EYS: variants seen among roughly 807,000 people sequenced by gnomAD.
EYS encodes the protein EGF-like photoreceptor maintenance factor, also known as protein eyes shut homolog.
In EYS, 250 loss-of-function variants were observed where a neutral mutation model predicts 282.1. The observed-to-expected ratio is 0.89, with a 90% CI of 0.80 to 0.98. The LOEUF is 0.98. Ranked by LOEUF, EYS falls within the 50% of genes least tolerant of loss-of-function variation. EYS has a pLI of 0.00. For synonymous variants in EYS, 1,355 were observed against 1,282.9 expected (o/e 1.06, Z -1.20); for missense variants, 4,016 against 3,709.0 (o/e 1.08, Z -2.15).
chr6:64,877,419 T>A (rs79842524), intron 19 of EYS, among the ~76,000 whole-genome samples: 2,608 of 152,274 alleles, frequency 0.017, 75 homozygotes, highest in African/African-American at 0.06. Context: ...ATTTATGGTA[T>A]TTTTTAAATG....
At chr6:64,380,155 T>C (rs1772696510) in intron 29 of EYS, among the ~76,000 whole-genome samples, 1 of 152,110 alleles carries the variant, frequency 6.6e-6, no homozygotes, top group Non-Finnish European at 1.5e-5. Flanking sequence ...CATTACATTA[T>C]AGACATCATT....
intron 11 of EYS, among the ~76,000 whole-genome samples, chr6:65,301,638 C>G (rs529826604): frequency 6.6e-6 from 1 of 152,256 alleles, no homozygotes; most frequent in Admixed American, 6.5e-5. Flanking sequence ...AGAAAGCCAC[C>G]GACCTTATTC....
At chr6:64,913,995 A>G (rs919589367) in intron 15 of EYS, among the ~76,000 whole-genome samples, 51 of 152,284 alleles carry the variant, frequency 3.3e-4, no homozygotes, top group African/African-American at 1.2e-3. Flanking sequence ...CATTATCTTC[A>G]AATACCACTT....
intron 26 of EYS, among the ~76,000 whole-genome samples, chr6:64,544,537 G>C (rs2149801083): frequency 6.6e-6 from 1 of 152,220 alleles, no homozygotes; most frequent in East Asian, 1.9e-4. Context: ...TGGAGGACAT[G>C]TAGTCACTTT....
At chr6:65,256,044 T>C (rs781542511) in intron 12 of EYS, among the ~76,000 whole-genome samples, 3 of 152,014 alleles carry the variant, frequency 2.0e-5, no homozygotes, top group Non-Finnish European at 4.4e-5. Flanking sequence ...GATATCTGCA[T>C]TCCCGTGCTG....
intron 19 of EYS, among the ~76,000 whole-genome samples, chr6:64,883,260 G>A (rs979239987): frequency 4.6e-5 from 7 of 151,252 alleles, no homozygotes; most frequent in Non-Finnish European, 8.9e-5. Context: ...ATAGTCATAC[G>A]TTTGCATGTG....
At chr6:64,199,307 A>T (rs1325173401) in intron 31 of EYS, among the ~76,000 whole-genome samples, 2 of 152,208 alleles carry the variant, frequency 1.3e-5, no homozygotes, top group Admixed American at 6.5e-5. Context: ...GATTTTGACA[A>T]ACCTGATAAG....
chr6:63,888,250 G>C (rs1488994363), intron 35 of EYS, among the ~76,000 whole-genome samples: 2 of 152,260 alleles, frequency 1.3e-5, no homozygotes, highest in Admixed American at 1.3e-4. Context: ...CAGCTCTGAA[G>C]AGAGTAGCAG....
intron 26 of EYS, among the ~76,000 whole-genome samples, chr6:64,498,751 A>C (rs998693328): frequency 6.6e-6 from 1 of 151,966 alleles, no homozygotes; most frequent in African/African-American, 2.4e-5. Context: ...TTTGCTGAGG[A>C]TGATGGTTTC....
intron 31 of EYS, among the ~76,000 whole-genome samples, chr6:64,151,347 A>ATATATATATATATATATATATATATT (rs1562226740): frequency 1.8e-5 from 2 of 113,440 alleles, no homozygotes; most frequent in African/African-American, 8.0e-5. Flanking sequence ...ATATATATAT[A>ATATATATATATATATATATATATATT]TATATATATA....
At chr6:64,473,456 C>G (rs1413627865) in intron 26 of EYS, among the ~76,000 whole-genome samples, 1 of 152,098 alleles carries the variant, frequency 6.6e-6, no homozygotes, top group African/African-American at 2.4e-5. Context: ...AACTGACACA[C>G]TTAAAGACTA....
intron 30 of EYS, among the ~76,000 whole-genome samples, chr6:64,236,276 T>G (rs9451166): frequency 0.59 from 89,822 of 151,988 alleles, 26,810 homozygotes; most frequent in Middle Eastern, 0.7. Context: ...CCTGGCCCCT[T>G]TATTCATTTT....
At chr6:63,753,857 C>T (rs1769409048) in intron 41 of EYS, among the ~76,000 whole-genome samples, 1 of 152,058 alleles carries the variant, frequency 6.6e-6, no homozygotes, top group Non-Finnish European at 1.5e-5. Flanking sequence ...TATGCAAGTC[C>T]ACCCTTCCAT....
At position 65,543,094 on chromosome 6, in the gene EYS, C is replaced by T. The variant is rs147812765; in HGVS notation, c.-332-47101G>A. Among the ~76,000 whole-genome samples, 230 of 152,226 alleles carry T rather than the reference C, an allele frequency of 1.5e-3. 1 individual carries two copies. The highest frequency in any genetic ancestry group is 5.2e-3 in the African/African-American group (217 of 41,568). ...AGAGAAGTGGCGTGATCTCGGCTCA[C>T]TGCAACATCTGCCCCCCAGGCTCAA... On this transcript the variant is annotated intron_variant, in intron 2 of 42. Coordinates refer to ENST00000503581, the MANE Select transcript of EYS (RefSeq NM_001142800.2).
rs1251189970 is a variant in EYS, at chr6:64,107,286, TA to T, written c.6425-25285del. ...GTGTGTGTGTGTATATATATATATT[TA>T]TATATATATATATATATATATATAT... On this transcript the variant is annotated intron_variant, in intron 31 of 42. Coordinates refer to ENST00000503581, the MANE Select transcript of EYS (RefSeq NM_001142800.2). Among the ~76,000 whole-genome samples the T allele has an allele frequency of 5.8e-3, 104 of 18,004 alleles. 1 individual carries two copies. Among genetic ancestry groups the T allele is most frequent in the African/African-American group, 0.015 (76 of 5,114 alleles). The allele number at this position is 18,004 out of a possible 152,430, so 11.8% of individuals were successfully genotyped here.
intron 33 of EYS, among the ~76,000 whole-genome samples, chr6:64,060,202 A>G (rs1363379770): frequency 6.6e-6 from 1 of 152,202 alleles, no homozygotes; most frequent in Non-Finnish European, 1.5e-5. Flanking sequence ...GGAACATGTG[A>G]AAAGTTTTTA....
At chr6:65,411,134 A>C (rs1766997477) in intron 5 of EYS, among the ~76,000 whole-genome samples, 1 of 152,174 alleles carries the variant, frequency 6.6e-6, no homozygotes, top group African/African-American at 2.4e-5. Context: ...AAAAAATAGA[A>C]GACTCAAATA....
intron 12 of EYS, among the ~76,000 whole-genome samples, chr6:65,086,413 T>C (rs1774376823): frequency 6.6e-6 from 1 of 152,188 alleles, no homozygotes; most frequent in African/African-American, 2.4e-5. Context: ...CTGCATATGT[T>C]TGGTCAAAAT....
At chr6:64,826,694 ATATATATATC>A (rs1046453985) in intron 19 of EYS, among the ~76,000 whole-genome samples, 1 of 149,082 alleles carries the variant, frequency 6.7e-6, no homozygotes, top group Non-Finnish European at 1.5e-5. Flanking sequence ...ATATATATAT[ATATATATATC>A]TGTCAATCAG....
Sources: gnomAD v4.1 joint callset for allele counts (sites outside exome capture counted in the v4.1 genomes callset) on GRCh38, gnomAD v4.1.1 for gene constraint, MANE v1.5 for transcripts, NCBI Gene and HGNC (gene_info 2026-07-23, HGNC 2026-07-21) for gene names.